The following PAX5 variants were observed in gnomAD, a reference collection of about 807,000 sequenced individuals.
PAX5 encodes paired box protein Pax-5.
PAX5 carries 9 observed loss-of-function variants against 43.7 expected under a neutral mutation model. The observed-to-expected ratio is 0.21, with a 90% CI of 0.12 to 0.36. The LOEUF (loss-of-function observed/expected upper bound fraction) is 0.36, where lower values mean the gene tolerates loss of function less well. Among genes scored for constraint, PAX5 ranks in the 10% least tolerant of loss-of-function variants. The pLI is 1.00. For missense variants in PAX5, 383 were observed against 532.7 expected (o/e 0.72, Z 2.77); for synonymous variants, 228 against 214.3 (o/e 1.06, Z -0.56).
At chr9:36,956,633 G>A (rs1047699781) in intron 6 of PAX5, among the ~76,000 whole-genome samples, 2 of 152,180 alleles carry the variant, frequency 1.3e-5, no homozygotes, top group African/African-American at 4.8e-5. Context: ...CTGGGGAGCT[G>A]TCCTTGTGCT....
intron 5 of PAX5, among the ~76,000 whole-genome samples, chr9:36,977,493 G>A (rs1370172767): frequency 2.6e-5 from 4 of 151,978 alleles, no homozygotes; most frequent in East Asian, 1.9e-4. Context: ...CCTGTAGCCC[G>A]AGTCTTTTTT....
chr9:37,015,023 G>C lies in PAX5; in HGVS notation c.384C>G (p.Thr128=), dbSNP rs372118521. Residue 128 remains threonine (T), a synonymous_variant, in exon 3 of 10, where the codon ACC becomes ACG. Transcript: ENST00000358127. The surrounding 1 kb of genome is among the most constrained non-coding windows in gnomAD (Gnocchi z 4.4). ...LLAERVCDND[T]VPSVSSINRI... ...TGTTGATGGAACTGACGCTAGGCACGGTGTCATTGTCACACACCCGCTCTG... is the reference window on the plus strand; with the variant it reads ...TGTTGATGGAACTGACGCTAGGCACCGTGTCATTGTCACACACCCGCTCTG... 3 of 1,614,108 alleles carry C rather than the reference G, an allele frequency of 1.9e-6. No individual in the cohort carries two copies. The highest frequency in any genetic ancestry group is 2.5e-6 in the Non-Finnish European group (3 of 1,180,026).
At chr9:36,906,189 A>G (rs1828809519) in intron 7 of PAX5, among the ~76,000 whole-genome samples, 1 of 152,230 alleles carries the variant, frequency 6.6e-6, no homozygotes, top group South Asian at 2.1e-4. Context: ...CCTAATTCCC[A>G]GAACCTGTGA....
chr9:37,012,582 C>T lies in PAX5; in HGVS notation c.410+2415G>A, dbSNP rs9407058. Among the ~76,000 whole-genome samples, 850 of 152,322 alleles carry T rather than the reference C, an allele frequency of 5.6e-3. 6 individuals are homozygous for T. Among genetic ancestry groups the T allele is most frequent in the African/African-American group, 0.019 (806 of 41,572 alleles). On this transcript the variant is annotated intron_variant, in intron 3 of 9. Coordinates refer to ENST00000358127, the MANE Select transcript of PAX5 (RefSeq NM_016734.3). Reference sequence around the variant, plus strand: ...CACAGGTCCAGGCAGAAAACATCAGCGGGCCCGTGATCTCTCTTGACCACA... The same window carrying T: ...CACAGGTCCAGGCAGAAAACATCAGTGGGCCCGTGATCTCTCTTGACCACA...
chr9:37,006,361 C>T (rs1047579738), intron 4 of PAX5, 112 bp downstream of exon 4: 9 of 714,766 alleles, frequency 1.3e-5, no homozygotes, highest in East Asian at 2.5e-5. Flanking sequence ...CGCATTAGTA[C>T]GTGTGCTGAA....
At chr9:36,896,120 G>C (rs141753851) in intron 7 of PAX5, among the ~76,000 whole-genome samples, 8 of 152,182 alleles carry the variant, frequency 5.3e-5, no homozygotes, top group African/African-American at 1.7e-4. Flanking sequence ...CATAGTCATC[G>C]GCTTCTCTGC....
At chr9:37,004,373 A>G (rs976264162) in intron 4 of PAX5, among the ~76,000 whole-genome samples, 2 of 152,258 alleles carry the variant, frequency 1.3e-5, no homozygotes, top group East Asian at 1.9e-4. Flanking sequence ...TAAAACCTAC[A>G]GACCAATCTC....
rs1826517079 is a variant in PAX5, at chr9:36,882,335, C to T, written c.911-230G>A. On this transcript the variant is annotated intron_variant, in intron 7 of 9. Transcript: ENST00000358127. This position sits in a 1 kb window ranked among gnomAD's most constrained non-coding sequence, Gnocchi z 4.4. ...CTCCAGCCACCCTCGCTCCACTCAG[C>T]AAGAACAGAGTCAGGGATGTGGCCT... Among the ~76,000 whole-genome samples, 1 of 152,104 alleles carries T rather than the reference C, an allele frequency of 6.6e-6. No homozygotes were observed. Among genetic ancestry groups the T allele is most frequent in the South Asian group, 2.1e-4 (1 of 4,828 alleles).
rs754076235 is a variant in PAX5 at position 36,838,055 on chromosome 9, A to G, written c.*2505T>C. Reference sequence around the variant, plus strand: ...CACTTCCTGCTAAATGGAGGGAGGCAGGGAGAGAGATGCCAGGTAACATAC... The same window carrying G: ...CACTTCCTGCTAAATGGAGGGAGGCGGGGAGAGAGATGCCAGGTAACATAC... On this transcript the variant is annotated 3_prime_UTR_variant, in exon 10 of 10. Coordinates refer to ENST00000358127, the MANE Select transcript of PAX5 (RefSeq NM_016734.3). The G allele has an allele frequency of 7.7e-5, 18 of 233,352 alleles. No homozygotes were observed. The highest frequency in any genetic ancestry group is 1.4e-4 in the Non-Finnish European group (16 of 118,036). The allele number at this position is 233,352 out of a possible 1,614,324, so 14.5% of individuals were successfully genotyped here.
intron 8 of PAX5, among the ~76,000 whole-genome samples, chr9:36,867,422 C>G (rs899503439): frequency 1.3e-5 from 2 of 152,188 alleles, no homozygotes; most frequent in African/African-American, 4.8e-5. Context: ...CTAGACTGAA[C>G]CACTTGCTAG....
intron 8 of PAX5, among the ~76,000 whole-genome samples, chr9:36,851,122 C>A (rs1823119702): frequency 6.6e-6 from 1 of 152,100 alleles, no homozygotes; most frequent in Non-Finnish European, 1.5e-5. Flanking sequence ...TGAATATGGG[C>A]AAAATAAAAG....
chr9:36,871,388 G>A (rs1392222434), intron 8 of PAX5, among the ~76,000 whole-genome samples: 1 of 152,156 alleles, frequency 6.6e-6, no homozygotes, highest in Non-Finnish European at 1.5e-5. Flanking sequence ...CCTCACTTTG[G>A]GCTGTGTACG....
intron 6 of PAX5, among the ~76,000 whole-genome samples, chr9:36,958,518 C>T (rs1042636177): frequency 2.6e-5 from 4 of 152,016 alleles, no homozygotes; most frequent in South Asian, 2.1e-4. Context: ...GGAGAGAAGC[C>T]GTGCATGATG....
chr9:37,025,078 G>C (rs1319326613), intron 1 of PAX5, among the ~76,000 whole-genome samples: 1 of 152,212 alleles, frequency 6.6e-6, no homozygotes, highest in African/African-American at 2.4e-5. Context: ...GCTGTGGAGG[G>C]CACTGGGGTC....
At chr9:36,978,756 A>G (rs1835662874) in intron 5 of PAX5, among the ~76,000 whole-genome samples, 1 of 152,196 alleles carries the variant, frequency 6.6e-6, no homozygotes, top group South Asian at 2.1e-4. Context: ...AAAAAAGATA[A>G]ATCATCAGAG....
intron 6 of PAX5, among the ~76,000 whole-genome samples, chr9:36,954,049 G>A (rs1269804650): frequency 6.6e-6 from 1 of 152,146 alleles, no homozygotes; most frequent in African/African-American, 2.4e-5. Flanking sequence ...TCCAGCTTGG[G>A]TGACAGAGCA....
chr9:36,838,332 C>A lies in PAX5; in HGVS notation c.*2228G>T, dbSNP rs142513379. 2.3e-4 allele frequency: 54 copies of A among 232,460 alleles called. No homozygotes were observed. The highest frequency in any genetic ancestry group is 1.9e-3 in the East Asian group (32 of 16,472). The allele number at this position is 232,460 out of a possible 1,614,324, so 14.4% of individuals were successfully genotyped here. A position where few individuals can be genotyped will look rare whatever the true frequency, so the allele number is the denominator to read the frequency against. On this transcript the variant is annotated 3_prime_UTR_variant, in exon 10 of 10. Coordinates refer to ENST00000358127, the MANE Select transcript of PAX5 (RefSeq NM_016734.3). ...TCTCTCACTGCTCTTACTGTCAACT[C>A]TCCTCAGGAATAGGAGATGTGGATA... is the stretch of plus-strand genomic sequence containing the variant.
intron 5 of PAX5, among the ~76,000 whole-genome samples, chr9:36,970,455 C>T (rs536448434): frequency 3.3e-5 from 5 of 152,242 alleles, no homozygotes; most frequent in Admixed American, 2.6e-4. Flanking sequence ...CTGAGCCTTG[C>T]TGCAGGAGTC....
intron 8 of PAX5, among the ~76,000 whole-genome samples, chr9:36,876,050 G>C (rs1825883163): frequency 6.6e-6 from 1 of 152,230 alleles, no homozygotes; most frequent in Admixed American, 6.5e-5. Flanking sequence ...AGATAGGTGA[G>C]AGGGGACCAG....
Sources: gnomAD v4.1 joint callset for allele counts (sites outside exome capture counted in the v4.1 genomes callset) on GRCh38, gnomAD v4.1.1 for gene constraint, Gnocchi (gnomAD v3.1) non-coding constraint, MANE v1.5 for transcripts, NCBI Gene and HGNC (gene_info 2026-07-23, HGNC 2026-07-21) for gene names.